Variants in ZNF236 observed in about 807,000 individuals in gnomAD.
ZNF236 encodes the protein regulated by glucose.
Under a neutral mutation model 191.2 loss-of-function variants are expected in ZNF236, and 50 were observed. The observed-to-expected ratio is 0.26, with a 90% CI of 0.21 to 0.33. The LOEUF (loss-of-function observed/expected upper bound fraction) is 0.33, where lower values mean the gene tolerates loss of function less well. Ranked by LOEUF, ZNF236 falls within the 10% of genes least tolerant of loss-of-function variation. ZNF236 has a pLI of 1.00. For missense variants in ZNF236, 1,754 were observed against 2,374.5 expected (o/e 0.74, Z 5.43); for synonymous variants, 907 against 928.8 (o/e 0.98, Z 0.43).
At chr18:76,916,380 G>C (rs1967364478) in intron 19 of ZNF236, among the ~76,000 whole-genome samples, 1 of 152,180 alleles carries the variant, frequency 6.6e-6, no homozygotes, top group East Asian at 1.9e-4. Context: ...AATGGTAGCA[G>C]TTATGGACTG....
rs552964218 is a variant in ZNF236, at chr18:76,896,156, G to C, written c.1690+871G>C. ...AGCTTGCAGTGCTGCACCCACACAG[G>C]CATTGCCCACAGGGACCACACGTGG... On this transcript the variant is annotated intron_variant, in intron 10 of 30. Transcript: ENST00000320610. 3.8e-4 allele frequency among the ~76,000 whole-genome samples: 58 copies of C among 152,142 alleles called. 1 individual carries two copies. The highest frequency in any genetic ancestry group is 1.2e-3 in the African/African-American group (51 of 41,476).
At chr18:76,885,422 C>G (rs1402871687) in intron 9 of ZNF236, 1 of 153,414 alleles carries the variant, frequency 6.5e-6, no homozygotes, top group Non-Finnish European at 1.5e-5. Flanking sequence ...CTTTGAAGGA[C>G]AAAACCCGTT....
intron 25 of ZNF236, among the ~76,000 whole-genome samples, chr18:76,935,620 A>G (rs1967969247): frequency 6.6e-6 from 1 of 152,236 alleles, no homozygotes; most frequent in African/African-American, 2.4e-5. Flanking sequence ...TCACAGGCAC[A>G]TGCATCTCTT....
rs1007175191 is a variant in ZNF236, at chr18:76,927,487, C to A, written c.4384C>A (p.Gln1462Lys). 1 of 1,614,002 alleles carries A rather than the reference C, an allele frequency of 6.2e-7. No individual in the cohort carries two copies. Among genetic ancestry groups the A allele is most frequent in the African/African-American group, 1.3e-5 (1 of 74,926 alleles). Residue 1462 changes from glutamine to lysine, a missense_variant, in exon 24 of 31, where the codon CAG becomes AAG. Physicochemically the swap from Gln to Lys is moderately conservative, Grantham distance 53. Around this residue, in one of 5 missense-constraint regions of ZNF236, gnomAD observed 606 missense variants for 761.5 expected, o/e 0.80. Coordinates refer to ENST00000320610, the MANE Select transcript of ZNF236 (RefSeq NM_001306089.2). The surrounding 1 kb of genome is among the most constrained non-coding windows in gnomAD (Gnocchi z 5.4). Reference sequence around the variant, plus strand: ...CCTGACCATAGGCCCGCTGTCTGAGCAGGATTCAGTGCTGACCACTAACAG... The same window carrying A: ...CCTGACCATAGGCCCGCTGTCTGAGAAGGATTCAGTGCTGACCACTAACAG... ...ANLTIGPLSE[Q>K]DSVLTTNSSG...
intron 26 of ZNF236, among the ~76,000 whole-genome samples, chr18:76,940,460 G>C (rs1385610582): frequency 6.6e-6 from 1 of 152,252 alleles, no homozygotes; most frequent in South Asian, 2.1e-4. Flanking sequence ...AGGGTCCCTG[G>C]TGTGTTTCTT....
At chr18:76,877,952 T>A (rs1976761401) in intron 6 of ZNF236, 57 bp from the exon 7 acceptor site, 1 of 1,329,500 alleles carries the variant, frequency 7.5e-7, no homozygotes, top group African/African-American at 1.5e-5. Context: ...ATAATTTAGA[T>A]GTTTAAATTT....
At chr18:76,839,263 A>G (rs577687978) in intron 1 of ZNF236, among the ~76,000 whole-genome samples, 1 of 152,238 alleles carries the variant, frequency 6.6e-6, no homozygotes, top group South Asian at 2.1e-4. Flanking sequence ...CTGCTGGATT[A>G]TAAGTTATGC....
Position 76,947,657 on chromosome 18 carries a change from A to C in ZNF236, c.4914+5A>C. The C allele has an allele frequency of 6.2e-7, 1 of 1,612,318 alleles. No individual in the cohort carries two copies. Among genetic ancestry groups the C allele is most frequent in the Non-Finnish European group, 8.5e-7 (1 of 1,179,206 alleles). On this transcript the variant is annotated splice_donor_5th_base_variant and intron_variant, in intron 27 of 30. Coordinates refer to ENST00000320610, the MANE Select transcript of ZNF236 (RefSeq NM_001306089.2). ...TGTGAAGAAATAGCCTACCAGGTAC[A>C]GGATATTCCTTCATTCACAGAGCTT...
intron 3 of ZNF236, among the ~76,000 whole-genome samples, chr18:76,864,314 C>T (rs1192830487): frequency 6.6e-6 from 1 of 151,790 alleles, no homozygotes; most frequent in African/African-American, 2.4e-5. Context: ...ATTCTTCTGC[C>T]TCAGCCTCCA....
chr18:76,938,345 G>A (rs1325042060), intron 26 of ZNF236, among the ~76,000 whole-genome samples: 1 of 152,136 alleles, frequency 6.6e-6, no homozygotes, highest in Non-Finnish European at 1.5e-5. Flanking sequence ...AGCCATGATT[G>A]CACCACTGCA....
chr18:76,910,751 C>G lies in ZNF236; in HGVS notation c.2745C>G (p.Leu915=). 1 of 1,614,206 alleles carries G rather than the reference C, an allele frequency of 6.2e-7. No individual in the cohort carries two copies. The highest frequency in any genetic ancestry group is 1.1e-5 in the South Asian group (1 of 91,082). The change falls in exon 16 of 31, where the codon CTC becomes CTG. Residue 915 remains leucine (L), a synonymous_variant. Coordinates refer to ENST00000320610, the MANE Select transcript of ZNF236 (RefSeq NM_001306089.2). The part of the protein sequence containing the change: ...QDSSTLESQA[L]STSFHQQSLL... ...CCAGCACACTTGAGTCTCAGGCCCT[C>G]TCCACAAGCTTCCACCAGCAGAGCT...
chr18:76,936,006 G>A (rs1336383418), intron 25 of ZNF236: 1 of 457,168 alleles, frequency 2.2e-6, no homozygotes, highest in Admixed American at 2.3e-5. Context: ...GCACAGTGTG[G>A]GACCCCAGGA....
intron 5 of ZNF236, among the ~76,000 whole-genome samples, chr18:76,874,145 ACT>A (rs1405356820): frequency 4.0e-5 from 6 of 151,870 alleles, no homozygotes; most frequent in African/African-American, 1.5e-4. Context: ...ACCGGGCCAC[ACT>A]CTCACTGTGC....
chr18:76,884,600 A>C (rs1327965259), intron 9 of ZNF236, among the ~76,000 whole-genome samples: 1 of 152,140 alleles, frequency 6.6e-6, no homozygotes, highest in Non-Finnish European at 1.5e-5. Context: ...TTGTTAACTT[A>C]GCCACTTCTT....
At chr18:76,859,692 T>A (rs752275523) in intron 3 of ZNF236, among the ~76,000 whole-genome samples, 1 of 152,168 alleles carries the variant, frequency 6.6e-6, no homozygotes, top group Non-Finnish European at 1.5e-5. Flanking sequence ...CTGGGTGTTA[T>A]TGGTCAAGTG....
rs569208425 is a variant in ZNF236 at position 76,903,542 on chromosome 18, C to T, written c.1895-838C>T. Among the ~76,000 whole-genome samples, 5 of 152,198 alleles carry T rather than the reference C, an allele frequency of 3.3e-5. No homozygotes were observed. The East Asian group carries it at 5.8e-4, about 18-fold the overall frequency. On this transcript the variant is annotated intron_variant, in intron 11 of 30. Transcript: ENST00000320610. ...GTACAAATGAGGGAGGAGAGAGGACCGGGAATGGAGAGCTGTGGGCAGAGG... is the reference window on the plus strand; with the variant it reads ...GTACAAATGAGGGAGGAGAGAGGACTGGGAATGGAGAGCTGTGGGCAGAGG...
At chr18:76,912,459 A>T in intron 17 of ZNF236, 112 bp downstream of exon 17, 3 of 676,822 alleles carry the variant, frequency 4.4e-6, no homozygotes, top group Non-Finnish European at 7.6e-6. Context: ...AAAACTGTTC[A>T]AAACAGTTCC....
At chr18:76,914,877 G>T (rs1041729384) in intron 18 of ZNF236, among the ~76,000 whole-genome samples, 2 of 150,942 alleles carry the variant, frequency 1.3e-5, no homozygotes, top group Non-Finnish European at 3.0e-5. Context: ...TGTATATTTT[G>T]TATAAGGCTT....
intron 6 of ZNF236, among the ~76,000 whole-genome samples, chr18:76,876,067 G>A (rs1976703996): frequency 6.6e-6 from 1 of 152,200 alleles, no homozygotes; most frequent in Non-Finnish European, 1.5e-5. Flanking sequence ...ATACTACAGA[G>A]CTCATATGGT....
Sources: gnomAD v4.1 joint callset for allele counts (sites outside exome capture counted in the v4.1 genomes callset) on GRCh38, gnomAD v4.1.1 for gene constraint, gnomAD v4.1.1 regional missense constraint, Gnocchi (gnomAD v3.1) non-coding constraint, MANE v1.5 for transcripts, NCBI Gene and HGNC (gene_info 2026-07-23, HGNC 2026-07-21) for gene names.